The following TBL1XR1 variants were observed in gnomAD, a reference collection of about 807,000 sequenced individuals.
TBL1XR1 encodes the protein F-box-like/WD repeat-containing protein TBL1XR1.
In TBL1XR1, 5 loss-of-function variants were observed where a neutral mutation model predicts 66.9. That is an observed-to-expected ratio of 0.07 (90% confidence interval 0.04 to 0.16). The LOEUF is 0.16. TBL1XR1 is among the 10% of genes least tolerant of loss of function. TBL1XR1 has a pLI of 1.00. For missense variants in TBL1XR1, 238 were observed against 623.2 expected (o/e 0.38, Z 6.58); for synonymous variants, 210 against 206.0 (o/e 1.02, Z -0.17).
chr3:177,153,612 G>C (rs1353912000), intron 1 of TBL1XR1, among the ~76,000 whole-genome samples: 1 of 152,106 alleles, frequency 6.6e-6, no homozygotes, highest in African/African-American at 2.4e-5. Context: ...TAAAGGCCAG[G>C]CGCGGTGGCT....
intron 1 of TBL1XR1, among the ~76,000 whole-genome samples, chr3:177,192,905 C>A (rs1736344456): frequency 6.6e-6 from 1 of 152,132 alleles, no homozygotes; most frequent in South Asian, 2.1e-4. Context: ...ATAATCCCAG[C>A]CCTTTGGGAG....
Position 177,049,994 on chromosome 3 carries a change from C to G in TBL1XR1, c.702+3G>C. ...TATCCATCATGGATATAGTGATACT[C>G]ACATTCCAATCTAGAGATGTGACAT... On this transcript the variant is annotated splice_donor_region_variant and intron_variant, in intron 7 of 15. Transcript: ENST00000457928. The G allele has an allele frequency of 1.2e-6, 2 of 1,613,036 alleles. No individual in the cohort carries two copies. Among genetic ancestry groups the G allele is most frequent in the Non-Finnish European group, 1.7e-6 (2 of 1,179,598 alleles).
intron 1 of TBL1XR1, among the ~76,000 whole-genome samples, chr3:177,137,688 G>C (rs1729157280): frequency 1.3e-5 from 2 of 152,128 alleles, no homozygotes; most frequent in Non-Finnish European, 2.9e-5. Context: ...TGAAATAAAA[G>C]GCCAGGGTCC....
chr3:177,112,398 G>A (rs1179114847), intron 1 of TBL1XR1, among the ~76,000 whole-genome samples: 4 of 151,788 alleles, frequency 2.6e-5, no homozygotes, highest in African/African-American at 7.3e-5. Context: ...ACGAGCCACG[G>A]CCCCCGGCCT....
intron 1 of TBL1XR1, among the ~76,000 whole-genome samples, chr3:177,134,912 T>C (rs1400676558): frequency 6.7e-6 from 1 of 150,112 alleles, no homozygotes; most frequent in African/African-American, 2.5e-5. Context: ...CTTCCAATTA[T>C]TAAATATCTG....
At chr3:177,144,103 G>A (rs1412633283) in intron 1 of TBL1XR1, among the ~76,000 whole-genome samples, 1 of 151,986 alleles carries the variant, frequency 6.6e-6, no homozygotes, top group Admixed American at 6.6e-5. Context: ...AAATTAGCTG[G>A]GCATGGTGCT....
chr3:177,031,773 A>T (rs1033542082), intron 14 of TBL1XR1, among the ~76,000 whole-genome samples: 2 of 151,014 alleles, frequency 1.3e-5, no homozygotes, highest in African/African-American at 4.8e-5. Context: ...TTAAAGAAAA[A>T]CAAAAATAAA....
chr3:177,157,208 C>CA (rs1224412086), intron 1 of TBL1XR1, among the ~76,000 whole-genome samples: 5 of 151,756 alleles, frequency 3.3e-5, no homozygotes, highest in African/African-American at 1.2e-4. Context: ...GACTCTATCT[C>CA]AAAAAACAAA....
intron 1 of TBL1XR1, among the ~76,000 whole-genome samples, chr3:177,166,767 T>C (rs1205263996): frequency 1.3e-5 from 2 of 152,276 alleles, no homozygotes; most frequent in East Asian, 1.9e-4. Context: ...CATACACCAT[T>C]AGGGGATTGC....
intron 1 of TBL1XR1, among the ~76,000 whole-genome samples, chr3:177,173,084 G>A (rs931283969): frequency 2.0e-5 from 3 of 152,168 alleles, no homozygotes; most frequent in African/African-American, 7.2e-5. Flanking sequence ...CTACTCCGCA[G>A]TCTGAGGCAG....
At chr3:177,071,748 C>G (rs899147067) in intron 2 of TBL1XR1, among the ~76,000 whole-genome samples, 1 of 152,134 alleles carries the variant, frequency 6.6e-6, no homozygotes, top group African/African-American at 2.4e-5. Context: ...AACCCAGCTA[C>G]TAGTAAACCC....
Position 177,096,327 on chromosome 3 carries a change from T to TACACACAC in TBL1XR1, c.-46+2138_-46+2139insGTGTGTGT, listed in dbSNP as rs1325905920. ...CCTTCATCTCTAACACACACTAACA[T>TACACACAC]ACATACATACACACACACACACACA... On this transcript the variant is annotated intron_variant, in intron 2 of 15. Transcript: ENST00000457928. Among the ~76,000 whole-genome samples, 1,031 of 108,242 alleles carry TACACACAC rather than the reference T, an allele frequency of 9.5e-3. 30 individuals are homozygous for TACACACAC. Among genetic ancestry groups the TACACACAC allele is most frequent in the Admixed American group, 0.077 (899 of 11,726 alleles). 71.0% of individuals were successfully genotyped at this position (108,242 alleles called of 152,430 possible). A position where few individuals can be genotyped will look rare whatever the true frequency, so the allele number is the denominator to read the frequency against.
intron 7 of TBL1XR1, 31 bp from the exon 8 acceptor site, chr3:177,047,580 T>C (rs1448011168): frequency 4.4e-6 from 7 of 1,584,304 alleles, no homozygotes; most frequent in Non-Finnish European, 6.1e-6. Context: ...TTTAATTATA[T>C]AATCTAGATA....
At chr3:177,082,955 T>C (rs1310038114) in intron 2 of TBL1XR1, among the ~76,000 whole-genome samples, 1 of 151,188 alleles carries the variant, frequency 6.6e-6, no homozygotes, top group Non-Finnish European at 1.5e-5. Context: ...AGACGTGGTT[T>C]CAACGTGTTA....
intron 2 of TBL1XR1, among the ~76,000 whole-genome samples, chr3:177,069,795 A>AGGAAGGGAAGGAAGGGAAGGAAG (rs1553824734): frequency 1.4e-4 from 10 of 70,690 alleles, no homozygotes; most frequent in African/African-American, 4.8e-4. Context: ...AAGGAAGGAA[A>AGGAAGGGAAGGAAGGGAAGGAAG]GGAAGGAAGG....
In TBL1XR1 at chr3:177,021,684, C is replaced by T. The variant is rs1289679078; in HGVS notation, c.*3814G>A. ...GGGGGAAAAAACAAAGAAAACAAAACGAAAAACCAACCAGGGTCTCTTGTA... is the reference window on the plus strand; with the variant it reads ...GGGGGAAAAAACAAAGAAAACAAAATGAAAAACCAACCAGGGTCTCTTGTA... On this transcript the variant is annotated 3_prime_UTR_variant, in exon 16 of 16. Transcript: ENST00000457928. 1.3e-5 allele frequency: 2 copies of T among 152,558 alleles called. No homozygotes were observed. The highest frequency in any genetic ancestry group is 2.4e-5 in the African/African-American group (1 of 41,452). The allele number at this position is 152,558 out of a possible 1,614,324, so 9.5% of individuals were successfully genotyped here. A position where few individuals can be genotyped will look rare whatever the true frequency, so the allele number is the denominator to read the frequency against.
intron 1 of TBL1XR1, among the ~76,000 whole-genome samples, chr3:177,138,650 G>T (rs1253183250): frequency 1.3e-5 from 2 of 152,110 alleles, no homozygotes; most frequent in Non-Finnish European, 2.9e-5. Flanking sequence ...GGCTTTCTGT[G>T]AGAGTAGCCA....
In TBL1XR1 at chr3:177,051,578, G is replaced by A. The variant is rs749382891; in HGVS notation, c.353C>T (p.Ala118Val). The A allele has an allele frequency of 5.0e-6, 8 of 1,613,374 alleles. No homozygotes were observed. In the Admixed American group the frequency reaches 1.3e-4, roughly 27 times the overall value. ...ATTTTTTGCAGATCCTTGTTGGCTG[G>A]CTGCAGCTGCGGCAGCTGCAGCAGC... ...AAAAAAAAAA[A>V]SQQGSAKNGE... Residue 118 changes from alanine to valine, a missense_variant, in exon 5 of 16, where the codon GCC becomes GTC. Physicochemically the swap from Ala to Val is moderately conservative, Grantham distance 64. Around this residue, in one of 8 missense-constraint regions of TBL1XR1, gnomAD observed 80 missense variants for 100.5 expected, o/e 0.80. Transcript: ENST00000457928.
intron 1 of TBL1XR1, among the ~76,000 whole-genome samples, chr3:177,183,586 C>T (rs142970581): frequency 1.3e-4 from 19 of 151,976 alleles, no homozygotes; most frequent in Non-Finnish European, 2.4e-4. Context: ...TTTTGGCTCA[C>T]TGCAACCTCC....
Sources: gnomAD v4.1 joint callset for allele counts (sites outside exome capture counted in the v4.1 genomes callset) on GRCh38, gnomAD v4.1.1 for gene constraint, gnomAD v4.1.1 regional missense constraint, MANE v1.5 for transcripts, NCBI Gene and HGNC (gene_info 2026-07-23, HGNC 2026-07-21) for gene names.